ASPG: variants seen among roughly 807,000 people sequenced by gnomAD.
ASPG encodes the protein asparaginase.
A neutral mutation model predicts 63.2 loss-of-function variants in ASPG; 53 were observed. The observed-to-expected ratio is 0.84, with a 90% CI of 0.67 to 1.05. The LOEUF (loss-of-function observed/expected upper bound fraction) is 1.05. ASPG is among the 50% of genes least tolerant of loss of function. ASPG has a pLI of 0.00. For missense variants in ASPG, 741 were observed against 794.4 expected (o/e 0.93, Z 0.81); for synonymous variants, 370 against 355.0 (o/e 1.04, Z -0.48).
Position 104,086,080 on chromosome 14 carries a change from G to C in ASPG, c.82+228G>C, listed in dbSNP as rs564547688. On this transcript the variant is annotated intron_variant, in intron 1 of 15. Transcript: ENST00000551177. The stretch of plus-strand genomic sequence containing the variant: ...GTTCTCGCCGTCGCGGTGCTCCCGG[G>C]AGCGCCCTGCGACCCTGGGGCCAGG... 2.2e-4 allele frequency among the ~76,000 whole-genome samples: 33 copies of C among 152,280 alleles called. 1 individual carries two copies. The highest frequency in any genetic ancestry group is 1.3e-3 in the Admixed American group (20 of 15,314).
At chr14:104,098,047 T>C (rs74651070) in intron 5 of ASPG, among the ~76,000 whole-genome samples, 690 of 15,542 alleles carry the variant, frequency 0.044, 36 homozygotes, top group Admixed American at 0.052. Context: ...TATGGAGGTT[T>C]TGCGTTAGAG....
chr14:104,105,178 C>A, intron 9 of ASPG, 150 bp from the exon 10 acceptor site: 1 of 1,261,162 alleles, frequency 7.9e-7, no homozygotes, highest in Non-Finnish European at 1.1e-6. Context: ...GGGGACCCAG[C>A]CCGCTCTGGC....
At chr14:104,088,103 C>G (rs28406755) in intron 1 of ASPG, among the ~76,000 whole-genome samples, 4,228 of 152,306 alleles carry the variant, frequency 0.028, 190 homozygotes, top group African/African-American at 0.097. Flanking sequence ...CCCAACCCCT[C>G]GTGAGGTTGG....
rs886734047 is a variant in ASPG at position 104,091,559 on chromosome 14, C to G, written c.83-1074C>G. Among the ~76,000 whole-genome samples the G allele has an allele frequency of 9.9e-5, 15 of 152,236 alleles. No homozygotes were observed. The highest frequency in any genetic ancestry group is 3.4e-3 in the Middle Eastern group (1 of 294). On this transcript the variant is annotated intron_variant, in intron 1 of 15. Coordinates refer to ENST00000551177, the MANE Select transcript of ASPG (RefSeq NM_001080464.3). The surrounding 1 kb of genome is among the most constrained non-coding windows in gnomAD (Gnocchi z 6.4). ...CGGGTGCCATAAACCTTCACGGGGCCAAGGGCTGGTGTCCCGGGGCTGGTG... is the reference window on the plus strand; with the variant it reads ...CGGGTGCCATAAACCTTCACGGGGCGAAGGGCTGGTGTCCCGGGGCTGGTG...
At chr14:104,108,842 T>C (rs2037262376) in intron 12 of ASPG, 2 of 985,322 alleles carry the variant, frequency 2.0e-6, no homozygotes, top group Middle Eastern at 5.2e-4. Flanking sequence ...GGTCAGCTCA[T>C]GTAAGGCTGT....
At chr14:104,095,719 CGCTGTGGGCGGCCGCTGCGGGACCCCGG>C in intron 4 of ASPG, 63 bp downstream of exon 4, 1 of 1,597,948 alleles carries the variant, frequency 6.3e-7, no homozygotes, top group Non-Finnish European at 8.5e-7. Context: ...GGCAAGTCAG[CGCTGTGGGCGGCCGCTGCGGGACCCCGG>C]GCTTCCTGCT....
chr14:104,110,615 C>G lies in ASPG; in HGVS notation c.1521-887C>G. The G allele has an allele frequency of 1.0e-6, 1 of 985,224 alleles. No homozygotes were observed. The highest frequency in any genetic ancestry group is 1.7e-5 in the African/African-American group (1 of 57,302). The allele number at this position is 985,224 out of a possible 1,614,324, so 61.0% of individuals were successfully genotyped here. On this transcript the variant is annotated intron_variant, in intron 13 of 15. Transcript: ENST00000551177. This position sits in a 1 kb window ranked among gnomAD's most constrained non-coding sequence, Gnocchi z 4.7. ...CTCTTGGAGCAGGTCCAGGAGGGGC[C>G]AGTGAGGCCATCCAGCAGATTCGCT...
intron 5 of ASPG, among the ~76,000 whole-genome samples, chr14:104,098,144 G>A (rs2036707607): frequency 6.6e-6 from 1 of 150,378 alleles, no homozygotes; most frequent in African/African-American, 2.4e-5. Context: ...AGATACGTAT[G>A]GAGGTTCTGC....
At chr14:104,108,963 A>G (rs578111735) in intron 12 of ASPG, 1 of 985,380 alleles carries the variant, frequency 1.0e-6, no homozygotes, top group African/African-American at 1.7e-5. Flanking sequence ...CGGGGCTGCC[A>G]CAGAGTTGAC....
Position 104,109,461 on chromosome 14 carries a change from T to G in ASPG, c.1520+146T>G. On this transcript the variant is annotated intron_variant, in intron 13 of 15. Coordinates refer to ENST00000551177, the MANE Select transcript of ASPG (RefSeq NM_001080464.3). The surrounding 1 kb of genome is among the most constrained non-coding windows in gnomAD (Gnocchi z 4.8). ...CCGCTGACCTCAGTGTGCACCAACCTGGCTGATGGGAAGAGGTGTCTACCC... is the reference window on the plus strand; with the variant it reads ...CCGCTGACCTCAGTGTGCACCAACCGGGCTGATGGGAAGAGGTGTCTACCC... The G allele has an allele frequency of 1.2e-6, 1 of 864,320 alleles. No individual in the cohort carries two copies. The highest frequency in any genetic ancestry group is 1.7e-6 in the Non-Finnish European group (1 of 572,466). The allele number at this position is 864,320 out of a possible 1,614,324, so 53.5% of individuals were successfully genotyped here.
At chr14:104,099,338 C>A (rs982125627) in intron 6 of ASPG, among the ~76,000 whole-genome samples, 4 of 152,224 alleles carry the variant, frequency 2.6e-5, no homozygotes, top group African/African-American at 9.6e-5. Context: ...GTAGCCTCGT[C>A]CCCAGGAGTT....
intron 12 of ASPG, chr14:104,108,953 C>T (rs12587641): frequency 2.8e-5 from 28 of 985,208 alleles, no homozygotes; most frequent in South Asian, 4.7e-5. Context: ...GTGCTGGGTG[C>T]GGGGCTGCCA....
chr14:104,108,730 C>T (rs1235761748), intron 12 of ASPG: 1 of 985,308 alleles, frequency 1.0e-6, no homozygotes, highest in Non-Finnish European at 1.2e-6. Flanking sequence ...CCTGCCCCCA[C>T]TCCTACCCAA....
Position 104,115,475 on chromosome 14 carries a change from A to C in ASPG, c.*2931A>C, listed in dbSNP as rs1393989874. 6.6e-6 allele frequency: 1 copy of C among 152,320 alleles called. No homozygotes were observed. The highest frequency in any genetic ancestry group is 2.4e-5 in the African/African-American group (1 of 41,458). 9.4% of individuals were successfully genotyped at this position (152,320 alleles called of 1,614,324 possible). A position where few individuals can be genotyped will look rare whatever the true frequency, so the allele number is the denominator to read the frequency against. The stretch of plus-strand genomic sequence containing the variant: ...CTTGGTGGCTCACACCTGCAATCCC[A>C]GCACTTTGGGAGGCCGAGGCGGGTG... On this transcript the variant is annotated 3_prime_UTR_variant, in exon 16 of 16. Transcript: ENST00000551177.
chr14:104,105,034 CTTCCTCGAGGGTGGGG>C (rs1447552111), intron 9 of ASPG: 4 of 582,130 alleles, frequency 6.9e-6, no homozygotes, highest in African/African-American at 1.9e-5. Context: ...GCTCTCCACT[CTTCCTCGAGGGTGGGG>C]TTCAGACACA....
chr14:104,106,373 C>A (rs1241141745), intron 10 of ASPG, among the ~76,000 whole-genome samples: 2 of 152,304 alleles, frequency 1.3e-5, no homozygotes, highest in East Asian at 1.9e-4. Context: ...GCAGGTGGCT[C>A]TTCTGGGAAG....
intron 1 of ASPG, among the ~76,000 whole-genome samples, chr14:104,088,031 C>A (rs1026967159): frequency 6.6e-6 from 1 of 152,198 alleles, no homozygotes; most frequent in South Asian, 2.1e-4. Context: ...AGGTCACCCC[C>A]AGCTGTTGCT....
intron 15 of ASPG, 29 bp downstream of exon 15, chr14:104,112,029 A>G (rs1566844818): frequency 3.9e-6 from 6 of 1,539,950 alleles, no homozygotes; most frequent in African/African-American, 1.4e-5. Context: ...CGGGGCTGAC[A>G]CCCCCCAGTG....
chr14:104,099,065 C>T (rs965759279), intron 6 of ASPG, 86 bp downstream of exon 6: 38 of 1,502,128 alleles, frequency 2.5e-5, no homozygotes, highest in Non-Finnish European at 2.9e-5. Flanking sequence ...GGCTGGGACT[C>T]GGCAGAGTTT....
Sources: allele counts gnomAD v4.1 joint callset (sites outside exome capture counted in the v4.1 genomes callset), GRCh38; gene constraint gnomAD v4.1.1; non-coding constraint Gnocchi (gnomAD v3.1); transcripts MANE v1.5; gene names NCBI Gene and HGNC (gene_info 2026-07-23, HGNC 2026-07-21).